Variants in PARD3B observed in about 807,000 individuals in gnomAD.
PARD3B encodes par-3 family cell polarity regulator beta.
A neutral mutation model predicts 130.2 loss-of-function variants in PARD3B; 103 were observed. The ratio of observed to expected loss-of-function variants is 0.79; its 90% confidence interval spans 0.67 to 0.93. The LOEUF is 0.93. Ranked by LOEUF, PARD3B falls within the 40% of genes least tolerant of loss-of-function variation. The pLI, the probability that PARD3B is intolerant of heterozygous loss-of-function variation, is 0.00. For missense variants in PARD3B, 1,609 were observed against 1,499.2 expected, an observed-to-expected ratio of 1.07 and a Z score of -1.21; for synonymous variants, 583 against 553.2, an observed-to-expected ratio of 1.05 and a Z score of -0.76.
intron 11 of PARD3B, among the ~76,000 whole-genome samples, chr2:205,159,777 C>T (rs1487350015): frequency 6.6e-6 from 1 of 152,134 alleles, no homozygotes; most frequent in African/African-American, 2.4e-5. Context: ...CTACTCTCTC[C>T]CTGTGCATGT....
chr2:205,039,331 G>C (rs999596816), intron 3 of PARD3B, among the ~76,000 whole-genome samples: 3 of 152,152 alleles, frequency 2.0e-5, no homozygotes, highest in Admixed American at 6.6e-5. Context: ...TGACTAGTGA[G>C]ACAAGCATCT....
At chr2:204,752,298 C>G (rs185725816) in intron 2 of PARD3B, among the ~76,000 whole-genome samples, 4 of 152,102 alleles carry the variant, frequency 2.6e-5, no homozygotes, top group African/African-American at 9.6e-5. Context: ...ATTGAGGTAT[C>G]TTAAGGTTAT....
chr2:205,193,426 G>C (rs188810577), intron 15 of PARD3B, 106 bp downstream of exon 15: 1 of 810,158 alleles, frequency 1.2e-6, no homozygotes, highest in Non-Finnish European at 2.0e-6. Flanking sequence ...AGGGAACAAG[G>C]TCTGCAGAAG....
intron 2 of PARD3B, among the ~76,000 whole-genome samples, chr2:204,750,848 A>T (rs1207957884): frequency 6.6e-6 from 1 of 152,202 alleles, no homozygotes; most frequent in African/African-American, 2.4e-5. Flanking sequence ...TATCTTCATC[A>T]GATTTAAATG....
rs2036397338 is a variant in PARD3B at position 204,673,405 on chromosome 2, A to AG, written c.121-12775dup. 6.6e-6 allele frequency among the ~76,000 whole-genome samples: 1 copy of AG among 152,238 alleles called. No homozygotes were observed. Among genetic ancestry groups the AG allele is most frequent in the Non-Finnish European group, 1.5e-5 (1 of 68,048 alleles). On this transcript the variant is annotated intron_variant, in intron 1 of 22. Transcript: ENST00000406610. This position sits in a 1 kb window ranked among gnomAD's most constrained non-coding sequence, Gnocchi z 4.7. Reference sequence around the variant, plus strand: ...GGTGCAAGATACTCTTGGCAAGGGTAGAGAGGTGGTTACTACCACTTGGTG... The same window carrying AG: ...GGTGCAAGATACTCTTGGCAAGGGTAGGAGAGGTGGTTACTACCACTTGGTG...
At chr2:205,315,965 C>G (rs576943911) in intron 18 of PARD3B, among the ~76,000 whole-genome samples, 1 of 152,238 alleles carries the variant, frequency 6.6e-6, no homozygotes, top group African/African-American at 2.4e-5. Context: ...ACACATCTGT[C>G]TCGTGCCCTT....
chr2:205,221,993 A>G (rs778802339), intron 15 of PARD3B, among the ~76,000 whole-genome samples: 70 of 152,138 alleles, frequency 4.6e-4, no homozygotes, highest in Non-Finnish European at 8.8e-4. Flanking sequence ...AGGAAAAATA[A>G]CTAATGGGTA....
At chr2:204,960,055 A>T (rs1690607715) in intron 2 of PARD3B, among the ~76,000 whole-genome samples, 1 of 152,200 alleles carries the variant, frequency 6.6e-6, no homozygotes, top group African/African-American at 2.4e-5. Flanking sequence ...GAAAGCTGTT[A>T]GGGTCTAAAA....
chr2:205,091,150 A>G lies in PARD3B; in HGVS notation c.505-13276A>G, dbSNP rs1702082016. ...TATGCAGGGTTAGCGGAAGAGATTT[A>G]AGCATTAGAGGCTGAAGTTTTTCAA... On this transcript the variant is annotated intron_variant, in intron 4 of 22. Transcript: ENST00000406610. This position sits in a 1 kb window ranked among gnomAD's most constrained non-coding sequence, Gnocchi z 4.2. 6.6e-6 allele frequency among the ~76,000 whole-genome samples: 1 copy of G among 152,190 alleles called. No individual in the cohort carries two copies. Among genetic ancestry groups the G allele is most frequent in the South Asian group, 2.1e-4 (1 of 4,820 alleles).
At chr2:204,892,164 GA>G (rs2046472843) in intron 2 of PARD3B, among the ~76,000 whole-genome samples, 1 of 152,168 alleles carries the variant, frequency 6.6e-6, no homozygotes, top group Non-Finnish European at 1.5e-5. Context: ...ACATTGCTAT[GA>G]AGGTGCAATC....
At position 205,032,992 on chromosome 2, in the gene PARD3B, A is replaced by G. The variant is rs577488550; in HGVS notation, c.395-14589A>G. Among the ~76,000 whole-genome samples, 4 of 152,332 alleles carry G rather than the reference A, an allele frequency of 2.6e-5. No homozygotes were observed. The East Asian group carries it at 7.7e-4, about 29-fold the overall frequency. On this transcript the variant is annotated intron_variant, in intron 3 of 22. Transcript: ENST00000406610. ...AGTAATTGTTTGCAACTGCAGCTCA[A>G]TGGCCTGAAGGCATTGCTCATTTCT... is the stretch of plus-strand genomic sequence containing the variant.
At chr2:204,653,688 G>A (rs1280495237) in intron 1 of PARD3B, among the ~76,000 whole-genome samples, 1 of 149,938 alleles carries the variant, frequency 6.7e-6, no homozygotes, top group Non-Finnish European at 1.5e-5. Context: ...CTACTAGGGA[G>A]GCTGAGACAG....
chr2:205,282,035 C>T (rs2041210327), intron 16 of PARD3B, among the ~76,000 whole-genome samples: 1 of 151,986 alleles, frequency 6.6e-6, no homozygotes, highest in Non-Finnish European at 1.5e-5. Flanking sequence ...TCAACACTAG[C>T]CCTCTTTTTA....
At chr2:204,948,160 TA>T (rs1438186040) in intron 2 of PARD3B, among the ~76,000 whole-genome samples, 4 of 152,196 alleles carry the variant, frequency 2.6e-5, no homozygotes, top group African/African-American at 9.7e-5. Flanking sequence ...CTTCAAACTA[TA>T]AATTAATGTG....
chr2:204,996,337 C>T (rs1268251578), intron 3 of PARD3B, among the ~76,000 whole-genome samples: 1 of 151,772 alleles, frequency 6.6e-6, no homozygotes, highest in Non-Finnish European at 1.5e-5. Flanking sequence ...GGAATACCCT[C>T]CCGTGTGAGG....
intron 2 of PARD3B, among the ~76,000 whole-genome samples, chr2:204,820,730 A>G (rs2043319302): frequency 6.6e-6 from 1 of 152,002 alleles, no homozygotes; most frequent in Non-Finnish European, 1.5e-5. Context: ...CAGGAGAATC[A>G]CTTAAAACTC....
At position 204,567,383 on chromosome 2, in the gene PARD3B, C is replaced by A. The variant is rs550395441; in HGVS notation, c.120+21264C>A. ...AATAATAACTCCCTATTCCCCACTC[C>A]CCCAGGCTCTGACAACCACCATTTA... On this transcript the variant is annotated intron_variant, in intron 1 of 22. Transcript: ENST00000406610. Among the ~76,000 whole-genome samples, 3 of 152,248 alleles carry A rather than the reference C, an allele frequency of 2.0e-5. No individual in the cohort carries two copies. The East Asian group carries it at 5.8e-4, about 29-fold the overall frequency.
intron 1 of PARD3B, among the ~76,000 whole-genome samples, chr2:204,574,424 G>T (rs1180427697): frequency 6.6e-6 from 1 of 152,002 alleles, no homozygotes; most frequent in African/African-American, 2.4e-5. Context: ...CCCCTCCTTT[G>T]GGCAATTTGA....
intron 15 of PARD3B, among the ~76,000 whole-genome samples, chr2:205,239,938 G>A (rs2039276930): frequency 6.6e-6 from 1 of 152,104 alleles, no homozygotes; most frequent in Non-Finnish European, 1.5e-5. Context: ...CTTGTTTTGT[G>A]TGTGTGGGTG....
Sources: gnomAD v4.1 joint callset for allele counts (sites outside exome capture counted in the v4.1 genomes callset) on GRCh38, gnomAD v4.1.1 for gene constraint, Gnocchi (gnomAD v3.1) non-coding constraint, MANE v1.5 for transcripts, NCBI Gene and HGNC (gene_info 2026-07-23, HGNC 2026-07-21) for gene names.